Variants in SIRPD observed in about 807,000 individuals in gnomAD.
SIRPD encodes signal regulatory protein delta.
A neutral mutation model predicts 18.0 loss-of-function variants in SIRPD; 21 were observed. The ratio of observed to expected loss-of-function variants is 1.17; its 90% CI spans 0.83 to 1.68. The LOEUF (loss-of-function observed/expected upper bound fraction) is 1.68. Ranked by LOEUF, SIRPD falls within the 40% of genes most tolerant of loss-of-function variation. The pLI is 0.00. For missense variants in SIRPD, 295 were observed against 238.4 expected, an observed-to-expected ratio of 1.24 and a Z score of -1.56; for synonymous variants, 106 against 92.9, an observed-to-expected ratio of 1.14 and a Z score of -0.81.
chr20:1,538,773 C>A (rs1029165989), intron 2 of SIRPD, among the ~76,000 whole-genome samples: 1 of 152,170 alleles, frequency 6.6e-6, no homozygotes, highest in East Asian at 1.9e-4. Flanking sequence ...AATCATCAGA[C>A]ATGTAAAAGA....
At chr20:1,545,081 G>A (rs767392568) in intron 2 of SIRPD, among the ~76,000 whole-genome samples, 12 of 152,024 alleles carry the variant, frequency 7.9e-5, no homozygotes, top group Admixed American at 2.6e-4. Flanking sequence ...TGAATCTGGC[G>A]ATTGTGTGTC....
At chr20:1,537,057 A>C in intron 3 of SIRPD, 98 bp downstream of exon 3, 1 of 1,429,960 alleles carries the variant, frequency 7.0e-7, no homozygotes, top group Non-Finnish European at 9.6e-7. Flanking sequence ...CTAGGACAAC[A>C]GAGATTCATC....
chr20:1,542,552 G>C (rs1220369491), intron 2 of SIRPD, among the ~76,000 whole-genome samples: 1 of 152,120 alleles, frequency 6.6e-6, no homozygotes, highest in African/African-American at 2.4e-5. Context: ...AGATGATGAG[G>C]TTTTCTAAAT....
chr20:1,543,383 T>G (rs575005605), intron 2 of SIRPD, among the ~76,000 whole-genome samples: 44 of 152,342 alleles, frequency 2.9e-4, no homozygotes, highest in Middle Eastern at 6.8e-3. Flanking sequence ...TCCAAGAATT[T>G]ATCCATTTCT....
At chr20:1,548,302 C>A (rs986954506) in intron 2 of SIRPD, among the ~76,000 whole-genome samples, 1 of 151,572 alleles carries the variant, frequency 6.6e-6, no homozygotes, top group Non-Finnish European at 1.5e-5. Context: ...TTTTTGAGTA[C>A]CTTTTTAAAT....
chr20:1,554,252 A>G (rs1410535005), intron 1 of SIRPD: 1 of 152,626 alleles, frequency 6.6e-6, no homozygotes, highest in Non-Finnish European at 1.5e-5. Flanking sequence ...GACTGACACT[A>G]AAGTCTGAGG....
intron 3 of SIRPD, among the ~76,000 whole-genome samples, chr20:1,536,522 T>C (rs566536369): frequency 2.8e-4 from 42 of 152,062 alleles, no homozygotes; most frequent in African/African-American, 9.6e-4. Flanking sequence ...AGATCATCTT[T>C]GGAGAGAAGA....
intron 3 of SIRPD, among the ~76,000 whole-genome samples, chr20:1,534,670 A>G (rs1242715310): frequency 6.6e-6 from 1 of 152,206 alleles, no homozygotes; most frequent in African/African-American, 2.4e-5. Context: ...CTTATGATCT[A>G]TGTCCACGTG....
At chr20:1,557,396 A>T (rs193073214) in intron 1 of SIRPD, among the ~76,000 whole-genome samples, 185 bp downstream of exon 1, 1 of 152,270 alleles carries the variant, frequency 6.6e-6, no homozygotes, top group Admixed American at 6.5e-5. Context: ...TGCAACAGAC[A>T]TGGCCACCGG....
rs778552394 is a variant in SIRPD, at chr20:1,551,862, G to A, written c.250C>T (p.Pro84Ser). ...LIYNFKQGNF[P>S]RVKEIGDTTK... is the part of the protein sequence containing the mutation. ...GTGTCTCCAATCTCTTTTACTCTGG[G>A]AAAGTTACCTTGTTTGAAATTGTAG... The change falls in exon 2 of 4, where the codon CCC becomes TCC. Residue 84 changes from proline (P) to serine (S), a missense_variant. Coordinates refer to ENST00000381623, the MANE Select transcript of SIRPD (RefSeq NM_178460.3). The A allele has an allele frequency of 7.4e-6, 12 of 1,613,986 alleles. No homozygotes were observed. In the East Asian group the frequency reaches 2.7e-4, roughly 36 times the overall value.
chr20:1,557,683 G>C lies in SIRPD; in HGVS notation c.-30C>G. On this transcript the variant is annotated 5_prime_UTR_variant, in exon 1 of 4. Transcript: ENST00000381623. ...GTGAAACCTGGAGCTTGCTCTGCCT[G>C]AATGCCTGTCCTGGAGATGCCCTCG... 1 of 1,608,010 alleles carries C rather than the reference G, an allele frequency of 6.2e-7. No homozygotes were observed. The highest frequency in any genetic ancestry group is 2.3e-5 in the East Asian group (1 of 44,338).
intron 2 of SIRPD, among the ~76,000 whole-genome samples, chr20:1,549,961 T>A (rs2091011454): frequency 6.6e-6 from 1 of 152,224 alleles, no homozygotes; most frequent in African/African-American, 2.4e-5. Context: ...CTCAGAACAT[T>A]TGAATGTTAA....
At chr20:1,543,682 T>C (rs201300587) in intron 2 of SIRPD, among the ~76,000 whole-genome samples, 3 of 152,220 alleles carry the variant, frequency 2.0e-5, no homozygotes. Context: ...TTGTTTGCTC[T>C]AGCTTCTCTA....
At chr20:1,536,862 A>G (rs1239695895) in intron 3 of SIRPD, among the ~76,000 whole-genome samples, 1 of 152,104 alleles carries the variant, frequency 6.6e-6, no homozygotes, top group African/African-American at 2.4e-5. Flanking sequence ...CCTTCACAGG[A>G]CATCAGGGGT....
Position 1,552,002 on chromosome 20 carries a change from A to G in SIRPD, c.110T>C (p.Met37Thr). The change falls in exon 2 of 4, where the codon ATG (methionine) becomes ACG (threonine). Residue 37 changes from methionine to threonine, a missense_variant. By Grantham distance (81) the Met-to-Thr change is moderately conservative. Transcript: ENST00000381623. ...THVFHVQQTE[M>T]SQTVSTGESI... The stretch of plus-strand genomic sequence containing the variant: ...CTCCCCAGTTGATACAGTCTGTGAC[A>G]TCTCCGTTTGTTGCACATGGAACAC... 2.5e-6 allele frequency: 4 copies of G among 1,613,990 alleles called. No individual in the cohort carries two copies. In the South Asian group the frequency reaches 4.4e-5, roughly 18 times the overall value.
intron 3 of SIRPD, among the ~76,000 whole-genome samples, chr20:1,536,684 A>G (rs1324650100): frequency 6.6e-6 from 1 of 152,106 alleles, no homozygotes; most frequent in South Asian, 2.1e-4. Context: ...CTATCTACCT[A>G]TCTATCTATC....
intron 1 of SIRPD, among the ~76,000 whole-genome samples, chr20:1,552,896 T>G (rs1409074688): frequency 6.6e-6 from 1 of 152,202 alleles, no homozygotes; most frequent in East Asian, 1.9e-4. Flanking sequence ...ATTGCCATTT[T>G]GGCATTATGG....
At chr20:1,534,677 C>T (rs942779002) in intron 3 of SIRPD, among the ~76,000 whole-genome samples, 53 of 152,154 alleles carry the variant, frequency 3.5e-4, no homozygotes, top group Admixed American at 3.0e-3. Flanking sequence ...TCTATGTCCA[C>T]GTGACAAACC....
At chr20:1,548,492 T>C (rs2091004132) in intron 2 of SIRPD, among the ~76,000 whole-genome samples, 1 of 152,198 alleles carries the variant, frequency 6.6e-6, no homozygotes. Flanking sequence ...GCTTTCTATA[T>C]GTTGCTGGTT....
Sources: allele counts gnomAD v4.1 joint callset (sites outside exome capture counted in the v4.1 genomes callset), GRCh38; gene constraint gnomAD v4.1.1; transcripts MANE v1.5; gene names NCBI Gene and HGNC (gene_info 2026-07-23, HGNC 2026-07-21).